GAP43: variants seen among roughly 807,000 people sequenced by gnomAD.
GAP43 encodes neuromodulin.
Under a neutral mutation model 18.6 loss-of-function variants are expected in GAP43, and 6 were observed. The ratio of observed to expected loss-of-function variants is 0.32; its 90% confidence interval spans 0.18 to 0.64. GAP43 has a LOEUF of 0.64. Ranked by LOEUF, GAP43 falls within the 30% of genes least tolerant of loss-of-function variation. GAP43 has a pLI of 0.78. For missense variants in GAP43, 292 were observed against 295.5 expected (o/e 0.99, Z 0.09); for synonymous variants, 115 against 111.4 (o/e 1.03, Z -0.20).
In GAP43 at chr3:115,689,276, C is replaced by T. The variant is rs561148719; in HGVS notation, c.628+12666C>T. ...CTAAAACGACTGTGTTTATCTGTGT[C>T]GTCCTCAGTTTCTCTCCCTCTCAGT... On this transcript the variant is annotated intron_variant, in intron 2 of 2. Transcript: ENST00000305124. Among the ~76,000 whole-genome samples the T allele has an allele frequency of 3.9e-5, 6 of 152,308 alleles. No homozygotes were observed. The South Asian group carries it at 6.2e-4, about 16-fold the overall frequency.
intron 1 of GAP43, among the ~76,000 whole-genome samples, chr3:115,639,338 A>G (rs1708368741): frequency 6.6e-6 from 1 of 152,120 alleles, no homozygotes; most frequent in African/African-American, 2.4e-5. Flanking sequence ...CCTTGACACT[A>G]TAAACTTCTT....
intron 2 of GAP43, among the ~76,000 whole-genome samples, chr3:115,708,095 C>T (rs1273329749): frequency 6.6e-6 from 1 of 152,098 alleles, no homozygotes; most frequent in African/African-American, 2.4e-5. Context: ...ACTTGGTATT[C>T]ACTGGTGAAC....
At chr3:115,652,356 C>CTTTT (rs71141831) in intron 1 of GAP43, among the ~76,000 whole-genome samples, 1,132 of 43,792 alleles carry the variant, frequency 0.026, 326 homozygotes, top group Non-Finnish European at 0.034. Context: ...ATCCAGCATT[C>CTTTT]TTTTTTTTTT....
chr3:115,717,358 G>A (rs116224711), intron 2 of GAP43, among the ~76,000 whole-genome samples: 2,079 of 149,200 alleles, frequency 0.014, 54 homozygotes, highest in African/African-American at 0.049. Context: ...CCCCCAGGCC[G>A]GAGTGCAATG....
intron 2 of GAP43, among the ~76,000 whole-genome samples, chr3:115,705,640 C>T (rs1023096144): frequency 2.6e-5 from 4 of 151,976 alleles, no homozygotes; most frequent in African/African-American, 9.7e-5. Flanking sequence ...ACATAAAAAA[C>T]CCAAACTTTT....
chr3:115,656,967 C>T (rs925566920), intron 1 of GAP43, among the ~76,000 whole-genome samples: 1 of 152,148 alleles, frequency 6.6e-6, no homozygotes, highest in Non-Finnish European at 1.5e-5. Flanking sequence ...TATATACACA[C>T]GTACTTGCGT....
chr3:115,680,975 G>C (rs921309454), intron 2 of GAP43, among the ~76,000 whole-genome samples: 5 of 152,164 alleles, frequency 3.3e-5, no homozygotes, highest in African/African-American at 1.2e-4. Flanking sequence ...TTGGCAGGGT[G>C]CCTCGTGAGC....
Position 115,654,137 on chromosome 3 carries a change from A to C in GAP43, c.31-21876A>C, listed in dbSNP as rs544831855. Among the ~76,000 whole-genome samples, 12 of 152,320 alleles carry C rather than the reference A, an allele frequency of 7.9e-5. No homozygotes were observed. The East Asian group carries it at 2.1e-3, about 27-fold the overall frequency. The stretch of plus-strand genomic sequence containing the variant: ...GAAGTTTTCTGCTGTGGTGTAAAAA[A>C]TACATCCATATTTCAATTGTTTTCA... On this transcript the variant is annotated intron_variant, in intron 1 of 2. Coordinates refer to ENST00000305124, the MANE Select transcript of GAP43 (RefSeq NM_002045.4).
chr3:115,663,671 C>T (rs1353798262), intron 1 of GAP43: 4 of 1,441,622 alleles, frequency 2.8e-6, no homozygotes, highest in African/African-American at 1.4e-5. Flanking sequence ...TTTATTTCTA[C>T]TTTTCTATTG....
chr3:115,660,621 T>A (rs2107480465), intron 1 of GAP43, among the ~76,000 whole-genome samples: 1 of 152,346 alleles, frequency 6.6e-6, no homozygotes, highest in Non-Finnish European at 1.5e-5. Flanking sequence ...ACTTTTCATT[T>A]AAAGAGATAT....
At chr3:115,663,494 T>G (rs988211452) in intron 1 of GAP43, 1 of 1,168,596 alleles carries the variant, frequency 8.6e-7, no homozygotes, top group African/African-American at 1.6e-5. Flanking sequence ...TTCCCTGCTC[T>G]CTGATATTTT....
chr3:115,719,811 G>A (rs13077590), intron 2 of GAP43, among the ~76,000 whole-genome samples: 30,455 of 152,196 alleles, frequency 0.2, 3,670 homozygotes, highest in Admixed American at 0.31. Flanking sequence ...GGGGGACACT[G>A]ACACAGGGAG....
intron 1 of GAP43, among the ~76,000 whole-genome samples, chr3:115,660,986 A>G (rs1477606908): frequency 2.0e-5 from 3 of 152,142 alleles, no homozygotes; most frequent in Admixed American, 6.5e-5. Flanking sequence ...TCCAGATCTA[A>G]GATTGTTAGA....
At chr3:115,715,300 T>A (rs1393106536) in intron 2 of GAP43, among the ~76,000 whole-genome samples, 1 of 152,210 alleles carries the variant, frequency 6.6e-6, no homozygotes, top group Non-Finnish European at 1.5e-5. Flanking sequence ...AGAGGCAAAC[T>A]GAAAAAGAAC....
intron 2 of GAP43, among the ~76,000 whole-genome samples, chr3:115,692,985 C>T (rs1709132932): frequency 6.6e-6 from 1 of 152,216 alleles, no homozygotes; most frequent in South Asian, 2.1e-4. Flanking sequence ...TCCTATTGCA[C>T]TGCTATGCAG....
intron 2 of GAP43, among the ~76,000 whole-genome samples, chr3:115,687,281 T>A (rs900326586): frequency 6.6e-6 from 1 of 152,174 alleles, no homozygotes; most frequent in Non-Finnish European, 1.5e-5. Context: ...TGTAAGCTGA[T>A]CTTCACAATG....
Position 115,681,738 on chromosome 3 carries a change from T to C in GAP43, c.628+5128T>C, listed in dbSNP as rs192722903. On this transcript the variant is annotated intron_variant, in intron 2 of 2. Coordinates refer to ENST00000305124, the MANE Select transcript of GAP43 (RefSeq NM_002045.4). Reference sequence around the variant, plus strand: ...ATTTATTAACTGCCAGGTCCTGTGCTGAGTGCTATGTGGGGATTGTTCCAT... The same window carrying C: ...ATTTATTAACTGCCAGGTCCTGTGCCGAGTGCTATGTGGGGATTGTTCCAT... 6.0e-4 allele frequency among the ~76,000 whole-genome samples: 92 copies of C among 152,386 alleles called. 1 individual carries two copies. The highest frequency in any genetic ancestry group is 1.2e-3 in the Non-Finnish European group (81 of 68,044).
Position 115,690,857 on chromosome 3 carries a change from G to T in GAP43, c.628+14247G>T, listed in dbSNP as rs571102211. Among the ~76,000 whole-genome samples, 5 of 147,762 alleles carry T rather than the reference G, an allele frequency of 3.4e-5. No homozygotes were observed. The East Asian group carries it at 1.0e-3, about 30-fold the overall frequency. On this transcript the variant is annotated intron_variant, in intron 2 of 2. Transcript: ENST00000305124. ...TGCAAGCTCCGTCTCCCAGGTTCAC[G>T]CCATTCTCCTGCCTCAGCCTCCTGA...
chr3:115,671,004 C>A (rs894388331), intron 1 of GAP43, among the ~76,000 whole-genome samples: 2 of 152,058 alleles, frequency 1.3e-5, no homozygotes, highest in African/African-American at 4.8e-5. Context: ...TATAATGGTA[C>A]TATTTATAGC....
Sources: gnomAD v4.1 joint callset for allele counts (sites outside exome capture counted in the v4.1 genomes callset) on GRCh38, gnomAD v4.1.1 for gene constraint, MANE v1.5 for transcripts, NCBI Gene and HGNC (gene_info 2026-07-23, HGNC 2026-07-21) for gene names.